The following CPNE4 variants were observed in gnomAD, a reference collection of about 807,000 sequenced individuals.
CPNE4 encodes the protein copine-4.
Under a neutral mutation model 67.9 loss-of-function variants are expected in CPNE4, and 25 were observed. That is an observed-to-expected ratio of 0.37 (90% confidence interval 0.27 to 0.51). The LOEUF (loss-of-function observed/expected upper bound fraction) is 0.51. CPNE4 is among the 20% of genes least tolerant of loss of function. The probability of loss-of-function intolerance (pLI) is 0.93; values close to 1 mark genes in which losing one functional copy is unlikely to be tolerated. For missense variants in CPNE4, 464 were observed against 690.8 expected (o/e 0.67, Z 3.68); for synonymous variants, 242 against 244.9 (o/e 0.99, Z 0.11).
chr3:131,538,709 G>C (rs1935311833), intron 15 of CPNE4: 2 of 152,362 alleles, frequency 1.3e-5, no homozygotes, highest in South Asian at 4.1e-4. Flanking sequence ...CAATGCAACA[G>C]GGTTGGGAAG....
intron 6 of CPNE4, among the ~76,000 whole-genome samples, chr3:131,676,689 C>A (rs1006371873): frequency 6.6e-6 from 1 of 152,126 alleles, no homozygotes; most frequent in African/African-American, 2.4e-5. Context: ...TAGCTCCATC[C>A]ATGTCCTTGC....
intron 1 of CPNE4, among the ~76,000 whole-genome samples, chr3:131,955,288 T>C (rs942967303): frequency 3.9e-5 from 6 of 151,984 alleles, no homozygotes; most frequent in Admixed American, 1.3e-4. Flanking sequence ...ATGTATTTCA[T>C]CATATTATGT....
chr3:131,681,452 C>G (rs1461674142), intron 6 of CPNE4, among the ~76,000 whole-genome samples: 7 of 152,178 alleles, frequency 4.6e-5, no homozygotes, highest in Admixed American at 2.0e-4. Context: ...TGTTACACCA[C>G]TCTCCCCCGG....
At position 132,006,006 on chromosome 3, in the gene CPNE4, G is replaced by A. The variant is rs2073593011; in HGVS notation, c.-2+28561C>T. 1.3e-5 allele frequency among the ~76,000 whole-genome samples: 2 copies of A among 152,098 alleles called. 1 individual carries two copies. The highest frequency in any genetic ancestry group is 4.1e-4 in the South Asian group (2 of 4,832). On this transcript the variant is annotated intron_variant, in intron 1 of 15. Transcript: ENST00000429747. ...AACATCATCAGCTGTCAAATGGGCAGGAAAACAGCATCTTCCTTGCTGCAG... is the reference window on the plus strand; with the variant it reads ...AACATCATCAGCTGTCAAATGGGCAAGAAAACAGCATCTTCCTTGCTGCAG...
At chr3:131,783,487 G>T (rs930573656) in intron 2 of CPNE4, among the ~76,000 whole-genome samples, 3 of 152,080 alleles carry the variant, frequency 2.0e-5, no homozygotes, top group African/African-American at 7.2e-5. Context: ...TTCTCTGGAG[G>T]TGGTGGCAGT....
chr3:131,716,445 C>T (rs909361511), intron 3 of CPNE4, among the ~76,000 whole-genome samples: 8 of 152,146 alleles, frequency 5.3e-5, no homozygotes, highest in Non-Finnish European at 1.0e-4. Context: ...TACACGTGTA[C>T]GTGTGTGTAC....
intron 2 of CPNE4, among the ~76,000 whole-genome samples, chr3:131,820,399 C>T (rs2084918720): frequency 6.6e-6 from 1 of 152,146 alleles, no homozygotes; most frequent in Non-Finnish European, 1.5e-5. Context: ...AATCCAACAG[C>T]CAATAAATGT....
intron 7 of CPNE4, among the ~76,000 whole-genome samples, chr3:131,631,716 T>C (rs932952781): frequency 6.6e-6 from 1 of 152,156 alleles, no homozygotes; most frequent in South Asian, 2.1e-4. Flanking sequence ...TTAGTATTGA[T>C]AAAACATTGA....
chr3:132,001,584 A>AAAGAAAGAAAGG (rs1271072831), intron 1 of CPNE4, among the ~76,000 whole-genome samples: 1 of 150,726 alleles, frequency 6.6e-6, no homozygotes, highest in Non-Finnish European at 1.5e-5. Flanking sequence ...AGAAAGAAAG[A>AAAGAAAGAAAGG]AAGAAAGAAA....
In CPNE4 at chr3:131,924,741, T is replaced by A. The variant is rs112808409; in HGVS notation, c.-1-19297A>T. The stretch of plus-strand genomic sequence containing the variant: ...TAATAGAAACAATGGTGACATAAAC[T>A]ATACTTTTTGGCTATAAAGGAAATT... On this transcript the variant is annotated intron_variant, in intron 1 of 15. Coordinates refer to ENST00000429747, the MANE Select transcript of CPNE4 (RefSeq NM_130808.3). Among the ~76,000 whole-genome samples the A allele has an allele frequency of 4.5e-3, 684 of 152,256 alleles. 2 individuals carry two copies. Among genetic ancestry groups the A allele is most frequent in the African/African-American group, 0.016 (652 of 41,568 alleles).
At chr3:132,016,367 T>C (rs568191128) in intron 1 of CPNE4, among the ~76,000 whole-genome samples, 104 of 152,318 alleles carry the variant, frequency 6.8e-4, no homozygotes, top group African/African-American at 2.2e-3. Flanking sequence ...ATTTCAACAT[T>C]CTCTCTTCAA....
intron 2 of CPNE4, among the ~76,000 whole-genome samples, chr3:131,746,595 A>G (rs1339623531): frequency 6.6e-6 from 1 of 152,174 alleles, no homozygotes; most frequent in African/African-American, 2.4e-5. Flanking sequence ...GTCACAAATG[A>G]CAGAAATTCA....
chr3:131,652,213 A>G (rs998819844), intron 7 of CPNE4, among the ~76,000 whole-genome samples: 1 of 152,330 alleles, frequency 6.6e-6, no homozygotes. Context: ...GTATATGATA[A>G]ACTCATTTTA....
intron 2 of CPNE4, among the ~76,000 whole-genome samples, chr3:131,749,693 T>C (rs909822501): frequency 6.6e-5 from 10 of 152,156 alleles, no homozygotes; most frequent in Non-Finnish European, 1.2e-4. Flanking sequence ...ACTTTTATTA[T>C]TATATAAGAT....
intron 2 of CPNE4, among the ~76,000 whole-genome samples, chr3:131,813,311 G>A (rs1332102379): frequency 1.3e-5 from 2 of 151,250 alleles, no homozygotes; most frequent in African/African-American, 4.8e-5. Flanking sequence ...GAAAAGAAAA[G>A]AGGGAAATGA....
intron 7 of CPNE4, among the ~76,000 whole-genome samples, chr3:131,593,019 G>C (rs945806743): frequency 6.6e-6 from 1 of 152,214 alleles, no homozygotes; most frequent in African/African-American, 2.4e-5. Context: ...CTAGCTTTTT[G>C]TGATGGTCAG....
intron 1 of CPNE4, among the ~76,000 whole-genome samples, chr3:131,942,415 C>G (rs1225027): frequency 7.2e-6 from 1 of 138,656 alleles, no homozygotes; most frequent in Non-Finnish European, 1.6e-5. Context: ...TTTCTTCTAG[C>G]TTCCTCGTGT....
At chr3:131,786,719 A>G (rs1456634942) in intron 2 of CPNE4, among the ~76,000 whole-genome samples, 1 of 152,186 alleles carries the variant, frequency 6.6e-6, no homozygotes, top group Non-Finnish European at 1.5e-5. Flanking sequence ...TTTCTAAGAA[A>G]ATAGGAATGG....
intron 2 of CPNE4, among the ~76,000 whole-genome samples, chr3:131,876,929 C>T (rs2087485584): frequency 6.6e-6 from 1 of 152,084 alleles, no homozygotes; most frequent in Non-Finnish European, 1.5e-5. Context: ...GCTATTTTCC[C>T]CAAGGCTAAA....
Sources: gnomAD v4.1 joint callset for allele counts (sites outside exome capture counted in the v4.1 genomes callset) on GRCh38, gnomAD v4.1.1 for gene constraint, MANE v1.5 for transcripts, NCBI Gene and HGNC (gene_info 2026-07-23, HGNC 2026-07-21) for gene names.